Variants in ATP10B observed in about 807,000 individuals in gnomAD.
The protein encoded by ATP10B is ATPase phospholipid transporting 10B (putative).
ATP10B carries 122 observed loss-of-function variants against 141.2 expected under a neutral mutation model. That is an observed-to-expected ratio of 0.86 (90% confidence interval 0.75 to 1.00). ATP10B has a LOEUF of 1.00. ATP10B is among the 50% of genes least tolerant of loss of function. The pLI, the probability that ATP10B is intolerant of heterozygous loss-of-function variation, is 0.00. For synonymous variants in ATP10B, 685 were observed against 692.0 expected (o/e 0.99, Z 0.16); for missense variants, 1,876 against 1,825.3 (o/e 1.03, Z -0.51).
chr5:160,678,522 G>T (rs1763178763), intron 6 of ATP10B, among the ~76,000 whole-genome samples: 1 of 152,258 alleles, frequency 6.6e-6, no homozygotes, highest in Middle Eastern at 3.4e-3. Context: ...ACCCGGGCAT[G>T]ATGGTGCATG....
chr5:160,878,734 C>A, the ATP10B span, among the ~76,000 whole-genome samples: 1 of 152,168 alleles, frequency 6.6e-6, no homozygotes, highest in African/African-American at 2.4e-5. Flanking sequence ...AGGACATGAA[C>A]AGACACTTCT....
chr5:160,758,012 C>T (rs1316110129), intron 2 of ATP10B, among the ~76,000 whole-genome samples: 3 of 152,086 alleles, frequency 2.0e-5, no homozygotes, highest in Non-Finnish European at 2.9e-5. Context: ...TGAGAACCAC[C>T]ATTATAGAAG....
In ATP10B at chr5:160,599,034, T is replaced by C. The variant is rs1343692484; in HGVS notation, c.3364-64A>G. The C allele has an allele frequency of 3.3e-6, 5 of 1,519,154 alleles. No homozygotes were observed. In the African/African-American group the frequency reaches 4.1e-5, roughly 12 times the overall value. 94.1% of individuals were successfully genotyped at this position (1,519,154 alleles called of 1,614,324 possible). On this transcript the variant is annotated intron_variant, in intron 21 of 25. Coordinates refer to ENST00000327245, the MANE Select transcript of ATP10B (RefSeq NM_025153.3). ...TGTGCAGCCGGTCACCAGCTCCTGCTTGGGACCTCTGGGAGCTGCTGGAGT... is the reference window on the plus strand; with the variant it reads ...TGTGCAGCCGGTCACCAGCTCCTGCCTGGGACCTCTGGGAGCTGCTGGAGT...
chr5:160,673,917 T>A (rs1762877073), intron 6 of ATP10B, among the ~76,000 whole-genome samples: 1 of 152,182 alleles, frequency 6.6e-6, no homozygotes, highest in Admixed American at 6.5e-5. Flanking sequence ...TCTTTTTTCT[T>A]TTTGAGAGAG....
the ATP10B span, among the ~76,000 whole-genome samples, chr5:160,893,735 T>A: frequency 6.6e-6 from 1 of 152,196 alleles, no homozygotes; most frequent in Non-Finnish European, 1.5e-5. Flanking sequence ...CTGATCCCCG[T>A]GCCTCCTAAC....
intron 22 of ATP10B, among the ~76,000 whole-genome samples, chr5:160,597,537 T>C (rs1470633092): frequency 1.3e-5 from 2 of 151,972 alleles, no homozygotes; most frequent in Admixed American, 1.3e-4. Flanking sequence ...AAGCCAAAAT[T>C]GACAAATGGG....
chr5:160,670,881 C>T (rs1762648596), intron 6 of ATP10B, among the ~76,000 whole-genome samples: 1 of 151,858 alleles, frequency 6.6e-6, no homozygotes, highest in Admixed American at 6.6e-5. Context: ...AAAGATCTGT[C>T]TTTGGCCGGG....
chr5:160,869,339 T>TATCA, the ATP10B span, among the ~76,000 whole-genome samples: 3 of 152,114 alleles, frequency 2.0e-5, no homozygotes, highest in Non-Finnish European at 4.4e-5. Context: ...TACTGTCATA[T>TATCA]ATCACCCCTA....
chr5:160,586,145 C>G (rs981037580), intron 24 of ATP10B, among the ~76,000 whole-genome samples: 10 of 152,144 alleles, frequency 6.6e-5, no homozygotes, highest in African/African-American at 2.4e-4. Context: ...CACCTCCTGA[C>G]AGTCCCCAGT....
At chr5:160,613,516 T>C (rs1274669054) in intron 17 of ATP10B, among the ~76,000 whole-genome samples, 3 of 152,186 alleles carry the variant, frequency 2.0e-5, no homozygotes, top group Non-Finnish European at 2.9e-5. Flanking sequence ...AATATCATTC[T>C]AGAGAATAGG....
intron 2 of ATP10B, among the ~76,000 whole-genome samples, chr5:160,764,632 C>A (rs1340063249): frequency 6.6e-6 from 1 of 152,076 alleles, no homozygotes; most frequent in Non-Finnish European, 1.5e-5. Flanking sequence ...AAGTTGAAAG[C>A]ATTCTCCCTA....
intron 7 of ATP10B, among the ~76,000 whole-genome samples, chr5:160,652,712 A>C (rs1182771330): frequency 8.0e-6 from 1 of 125,050 alleles, no homozygotes; most frequent in Non-Finnish European, 1.6e-5. Context: ...ATACATATAT[A>C]ATTTATATAT....
At chr5:160,896,474 C>A in the ATP10B span, among the ~76,000 whole-genome samples, 2 of 152,106 alleles carry the variant, frequency 1.3e-5, no homozygotes, top group Non-Finnish European at 2.9e-5. Context: ...GACATATACA[C>A]CCTCCTAAGA....
rs1383461491 is a variant in ATP10B at position 160,602,562 on chromosome 5, C to A, written c.3363+15G>T. 1.9e-6 allele frequency: 3 copies of A among 1,613,342 alleles called. No homozygotes were observed. Among genetic ancestry groups the A allele is most frequent in the East Asian group, 4.5e-5 (2 of 44,854 alleles). ...TGCCAAAGCCCTGGGTGAGAGGACG[C>A]CATAGGCTACTTACCACGTTCTTGT... On this transcript the variant is annotated intron_variant, in intron 21 of 25. Transcript: ENST00000327245.
chr5:160,859,932 T>A, the ATP10B span, among the ~76,000 whole-genome samples: 1 of 151,976 alleles, frequency 6.6e-6, no homozygotes, highest in Non-Finnish European at 1.5e-5. Context: ...CATTTTGTGA[T>A]GTCAACTCTA....
the ATP10B span, among the ~76,000 whole-genome samples, chr5:160,883,695 A>G: frequency 1.3e-5 from 2 of 152,214 alleles, no homozygotes; most frequent in Non-Finnish European, 2.9e-5. Flanking sequence ...GAGTAATAAA[A>G]TTATTGCTAG....
At chr5:160,925,299 A>T in the ATP10B span, among the ~76,000 whole-genome samples, 1 of 152,246 alleles carries the variant, frequency 6.6e-6, no homozygotes, top group Non-Finnish European at 1.5e-5. Context: ...GAAAAGTAGC[A>T]GCAGCAGCAA....
intron 13 of ATP10B, among the ~76,000 whole-genome samples, chr5:160,628,646 G>A (rs1310719586): frequency 6.6e-6 from 1 of 152,178 alleles, no homozygotes; most frequent in African/African-American, 2.4e-5. Flanking sequence ...GTTTGGAGGA[G>A]CCTAACTGGC....
intron 20 of ATP10B, chr5:160,603,614 C>A: frequency 3.8e-6 from 1 of 263,522 alleles, no homozygotes; most frequent in Non-Finnish European, 7.5e-6. Flanking sequence ...TATTCTGCAG[C>A]TTCCCAGTCA....
Sources: gnomAD v4.1 joint callset for allele counts (sites outside exome capture counted in the v4.1 genomes callset) on GRCh38, gnomAD v4.1.1 for gene constraint, MANE v1.5 for transcripts, NCBI Gene and HGNC (gene_info 2026-07-23, HGNC 2026-07-21) for gene names.